Variants in UPP1 observed in about 807,000 individuals in gnomAD.
UPP1 encodes UPase 1.
UPP1 carries 25 observed loss-of-function variants against 29.6 expected under a neutral mutation model. That is an observed-to-expected ratio of 0.85 (90% CI 0.62 to 1.18). UPP1 has a LOEUF of 1.18. UPP1 is among the 50% of genes most tolerant of loss of function. UPP1 has a pLI of 0.00. For synonymous variants in UPP1, 165 were observed against 159.8 expected, an observed-to-expected ratio of 1.03 and a Z score of -0.25; for missense variants, 368 against 410.4, an observed-to-expected ratio of 0.90 and a Z score of 0.89.
chr7:48,103,244 C>T (rs187754627), intron 5 of UPP1, 53 bp from the exon 6 acceptor site: 1 of 1,372,988 alleles, frequency 7.3e-7, no homozygotes, highest in African/African-American at 1.4e-5. Flanking sequence ...TCAGCCAGAA[C>T]ATTGACAAAG....
chr7:48,104,544 C>G (rs773516527), intron 6 of UPP1: 2 of 152,210 alleles, frequency 1.3e-5, no homozygotes, highest in African/African-American at 4.8e-5. Flanking sequence ...AGGGCCTGGA[C>G]TATCTAGGAT....
Position 48,094,931 on chromosome 7 carries a change from A to G in UPP1, c.44+104A>G, listed in dbSNP as rs555760009. 15 of 1,331,156 alleles carry G rather than the reference A, an allele frequency of 1.1e-5. No individual in the cohort carries two copies. The South Asian group carries it at 1.5e-4, about 14-fold the overall frequency. The allele number at this position is 1,331,156 out of a possible 1,614,324, so 82.5% of individuals were successfully genotyped here. On this transcript the variant is annotated intron_variant, in intron 3 of 8. Coordinates refer to ENST00000395564, the MANE Select transcript of UPP1 (RefSeq NM_003364.4). Reference sequence around the variant, plus strand: ...CTAAGGACTTGACATATATTAACACATTTGATGCTTGTGAAAGAGACTGAG... The same window carrying G: ...CTAAGGACTTGACATATATTAACACGTTTGATGCTTGTGAAAGAGACTGAG...
At chr7:48,108,118 C>G in intron 8 of UPP1, 100 bp from the exon 9 acceptor site, 1 of 1,503,006 alleles carries the variant, frequency 6.7e-7, no homozygotes, top group Non-Finnish European at 9.0e-7. Flanking sequence ...CCTGAGGAGG[C>G]AGAGAGGCTG....
At chr7:48,107,280 C>A in intron 7 of UPP1, 81 bp from the exon 8 acceptor site, 1 of 1,531,312 alleles carries the variant, frequency 6.5e-7, no homozygotes, top group South Asian at 1.2e-5. Flanking sequence ...GTCCCTGTGT[C>A]CTTCTGGGCA....
At chr7:48,099,454 C>T (rs1792298588) in intron 3 of UPP1, among the ~76,000 whole-genome samples, 1 of 152,126 alleles carries the variant, frequency 6.6e-6, no homozygotes, top group African/African-American at 2.4e-5. Flanking sequence ...CAAACAGAGC[C>T]ATGGGAGCAA....
At position 48,106,888 on chromosome 7, in the gene UPP1, C is replaced by T. The variant is rs1212266517; in HGVS notation, c.452C>T (p.Thr151Ile). The change falls in exon 7 of 9, where the codon ACT becomes ATT. Residue 151 changes from threonine to isoleucine, a missense_variant. By Grantham distance (89) the Thr-to-Ile change is moderately conservative. Transcript: ENST00000395564. ...TTTTCCTCAGGTCTGGAGCCCGGCA[C>T]TGTGGTCATAACAGAGCAGGCAGTG... is the stretch of plus-strand genomic sequence containing the variant. ...TSGGIGLEPG[T>I]VVITEQAVDT... The T allele has an allele frequency of 6.2e-7, 1 of 1,613,784 alleles. No individual in the cohort carries two copies. Among genetic ancestry groups the T allele is most frequent in the Admixed American group, 1.7e-5 (1 of 60,020 alleles).
chr7:48,099,672 A>T lies in UPP1; in HGVS notation c.47A>T (p.Asp16Val), dbSNP rs754824467. The T allele has an allele frequency of 4.4e-6, 7 of 1,607,032 alleles. No individual in the cohort carries two copies. Among genetic ancestry groups the T allele is most frequent in the Non-Finnish European group, 6.0e-6 (7 of 1,173,740 alleles). ...TCCACTTTCTTGTTTTTTAACAGTG[A>T]TTGCCCCGTCAGACTTTTAAATCCA... Reference protein sequence around the residue: ...ANAEKAESHNDCPVRLLNPNI... With the variant: ...ANAEKAESHNVCPVRLLNPNI... Residue 16 changes from aspartate to valine, a missense_variant and splice_region_variant, in exon 4 of 9, where the codon GAT becomes GTT. By Grantham distance (152) the Asp-to-Val change is radical. Transcript: ENST00000395564.
chr7:48,108,049 G>A (rs1032289905), intron 8 of UPP1, among the ~76,000 whole-genome samples, 169 bp from the exon 9 acceptor site: 2 of 152,168 alleles, frequency 1.3e-5, no homozygotes, highest in Non-Finnish European at 2.9e-5. Flanking sequence ...CTGGACCAGC[G>A]CCTTTCCCTC....
intron 3 of UPP1, among the ~76,000 whole-genome samples, chr7:48,095,885 G>C (rs1000112214): frequency 1.3e-5 from 2 of 152,198 alleles, no homozygotes; most frequent in Non-Finnish European, 2.9e-5. Flanking sequence ...GACCTCAAGT[G>C]ATCCACCCGC....
intron 6 of UPP1, chr7:48,105,279 C>T (rs1048213321): frequency 6.6e-6 from 1 of 152,254 alleles, no homozygotes. Flanking sequence ...CCAAGCTCTC[C>T]TCTAGCTCCA....
intron 1 of UPP1, chr7:48,089,696 C>CGTAG (rs1791713325): frequency 6.6e-6 from 1 of 152,222 alleles, no homozygotes; most frequent in Non-Finnish European, 1.5e-5. Context: ...CCGTGCCTAC[C>CGTAG]TCTCCCACGT....
At chr7:48,094,602 CCTCT>C (rs1265539380) in intron 2 of UPP1, among the ~76,000 whole-genome samples, 157 bp from the exon 3 acceptor site, 1 of 152,164 alleles carries the variant, frequency 6.6e-6, no homozygotes, top group East Asian at 1.9e-4. Flanking sequence ...TACACACTCT[CCTCT>C]CTCTCTGTTT....
intron 2 of UPP1, 93 bp from the exon 3 acceptor site, chr7:48,094,670 C>A (rs1459024489): frequency 3.7e-6 from 4 of 1,088,310 alleles, no homozygotes; most frequent in African/African-American, 1.5e-5. Flanking sequence ...AATTCCACTT[C>A]ATTGCACTGA....
chr7:48,094,533 AG>A (rs1380588979), intron 2 of UPP1, among the ~76,000 whole-genome samples: 5 of 152,184 alleles, frequency 3.3e-5, no homozygotes, highest in Non-Finnish European at 7.3e-5. Context: ...CTGTCCACTT[AG>A]GCTTTTGGCA....
At position 48,106,745 on chromosome 7, in the gene UPP1, C is replaced by A. The variant is rs114423949; in HGVS notation, c.437-128C>A. ...TATTTGAGAACAGTACTGGATGCTT[C>A]GTGTTTGGATGTGTGGGTGGATCTG... On this transcript the variant is annotated intron_variant, in intron 6 of 8. Coordinates refer to ENST00000395564, the MANE Select transcript of UPP1 (RefSeq NM_003364.4). The A allele has an allele frequency of 1.0e-4, 84 of 807,106 alleles. No homozygotes were observed. In the African/African-American group the frequency reaches 1.2e-3, roughly 12 times the overall value. The allele number at this position is 807,106 out of a possible 1,614,324, so 50.0% of individuals were successfully genotyped here.
rs1479672810 is a variant in UPP1 at position 48,101,955 on chromosome 7, T to C, written c.294T>C (p.Tyr98=). The C allele has an allele frequency of 1.2e-6, 2 of 1,613,840 alleles. No homozygotes were observed. Among genetic ancestry groups the C allele is most frequent in the Middle Eastern group, 1.6e-4 (1 of 6,084 alleles). Residue 98 remains tyrosine, a synonymous_variant, in exon 5 of 9, where the codon TAT becomes TAC. Coordinates refer to ENST00000395564, the MANE Select transcript of UPP1 (RefSeq NM_003364.4). The part of the protein sequence containing the change: ...ICAGTDRYAM[Y]KVGPVLSVSH... The stretch of plus-strand genomic sequence containing the variant: ...CGGGAACTGACCGCTATGCCATGTA[T>C]AAAGTAGGACCGGTGCTGTCTGTCA...
At position 48,099,704 on chromosome 7, in the gene UPP1, GC is replaced by G. The variant is rs1431399391; in HGVS notation, c.80del (p.Ala27GlufsTer3). 6.2e-7 allele frequency: 1 copy of G among 1,613,564 alleles called. No homozygotes were observed. Among genetic ancestry groups the G allele is most frequent in the South Asian group, 1.1e-5 (1 of 91,060 alleles). Reference sequence around the variant, plus strand: ...CGTCAGACTTTTAAATCCAAACATAGCAAAAATGAAAGAAGATATTCTCTAT... The same window carrying G: ...CGTCAGACTTTTAAATCCAAACATAGAAAAATGAAAGAAGATATTCTCTAT... Reference protein sequence around the residue: ...CPVRLLNPNIAKMKEDILYHF... With the variant: ...CPVRLLNPNIXKMKEDILYHF... On this transcript the variant is annotated frameshift_variant, in exon 4 of 9. Transcript: ENST00000395564. LOFTEE classifies it high-confidence loss of function.
intron 2 of UPP1, among the ~76,000 whole-genome samples, chr7:48,091,176 T>C (rs2128807361): frequency 6.6e-6 from 1 of 152,204 alleles, no homozygotes; most frequent in South Asian, 2.1e-4. Flanking sequence ...AATATGTTCA[T>C]TCAAAAAAGT....
At chr7:48,100,049 C>T (rs531900358) in intron 4 of UPP1, among the ~76,000 whole-genome samples, 2 of 152,302 alleles carry the variant, frequency 1.3e-5, no homozygotes, top group Middle Eastern at 3.4e-3. Flanking sequence ...TCTGGAAATA[C>T]GGTCCGAGAA....
Sources: allele counts gnomAD v4.1 joint callset (sites outside exome capture counted in the v4.1 genomes callset), GRCh38; gene constraint gnomAD v4.1.1; transcripts MANE v1.5; gene names NCBI Gene and HGNC (gene_info 2026-07-23, HGNC 2026-07-21).